The following FNDC3B variants were observed in gnomAD, a reference collection of about 807,000 sequenced individuals.
FNDC3B encodes the protein fibronectin type III domain containing 3B.
A neutral mutation model predicts 151.5 loss-of-function variants in FNDC3B; 12 were observed. The ratio of observed to expected loss-of-function variants is 0.08; its 90% CI spans 0.05 to 0.13. The LOEUF is 0.13. Ranked by LOEUF, FNDC3B falls within the 10% of genes least tolerant of loss-of-function variation. The pLI is 1.00. For missense variants in FNDC3B, 1,214 were observed against 1,505.3 expected, an observed-to-expected ratio of 0.81 and a Z score of 3.20; for synonymous variants, 528 against 549.0, an observed-to-expected ratio of 0.96 and a Z score of 0.54.
chr3:172,105,355 A>C (rs755800009), intron 1 of FNDC3B, among the ~76,000 whole-genome samples: 3 of 152,096 alleles, frequency 2.0e-5, no homozygotes, highest in Non-Finnish European at 4.4e-5. Context: ...TGTCATAATA[A>C]ATTTTTATTA....
rs374129534 is a variant in FNDC3B at position 172,112,475 on chromosome 3, C to T, written c.-5C>T. 2.0e-5 allele frequency: 32 copies of T among 1,609,004 alleles called. No individual in the cohort carries two copies. The African/African-American group carries it at 4.0e-4, about 20-fold the overall frequency. ...AGGAAGCCAGTTGAGGGAAGTTCTC[C>T]ATGAATGTACGTCACAATGATGATG... On this transcript the variant is annotated 5_prime_UTR_variant, in exon 2 of 26. Transcript: ENST00000415807.
chr3:172,285,336 T>G (rs10936719), intron 6 of FNDC3B, among the ~76,000 whole-genome samples: 63,853 of 152,056 alleles, frequency 0.42, 13,831 homozygotes, highest in East Asian at 0.57. Flanking sequence ...GTCTTTCTGT[T>G]CCCTTGCTTA....
At chr3:172,113,289 C>G (rs566774819) in intron 2 of FNDC3B, among the ~76,000 whole-genome samples, 1 of 152,092 alleles carries the variant, frequency 6.6e-6, no homozygotes, top group African/African-American at 2.4e-5. Context: ...AGCATAAAAG[C>G]GAATTTTTAT....
chr3:172,076,525 C>T (rs1279905207), intron 1 of FNDC3B, among the ~76,000 whole-genome samples: 3 of 152,188 alleles, frequency 2.0e-5, no homozygotes, highest in Admixed American at 2.0e-4. Context: ...GTTCCTCCTG[C>T]CTTTCCACTT....
chr3:172,251,527 A>G lies in FNDC3B; in HGVS notation c.776A>G (p.Asp259Gly). 2.5e-6 allele frequency: 4 copies of G among 1,611,878 alleles called. No homozygotes were observed. The highest frequency in any genetic ancestry group is 3.4e-6 in the Non-Finnish European group (4 of 1,178,686). ...RRARSSPKSN[D>G]SDLQEYELEV... is the part of the protein sequence containing the mutation. ...GCAAGAAGCAGCCCAAAGTCGAATG[A>G]TTCAGACTTGCAAGGTAATACTCAA... Residue 259 changes from aspartate (D) to glycine (G), a missense_variant, in exon 6 of 26, where the codon GAT (aspartate) becomes GGT (glycine). This residue lies in a region of FNDC3B where 166 missense variants were observed against 173.2 expected (regional missense o/e 0.96). Transcript: ENST00000415807.
At chr3:172,290,601 C>A (rs1269535041) in intron 7 of FNDC3B, among the ~76,000 whole-genome samples, 1 of 152,040 alleles carries the variant, frequency 6.6e-6, no homozygotes, top group Middle Eastern at 3.2e-3. Context: ...TGTTTCCATC[C>A]GCGAATGTTT....
rs372244130 is a variant in FNDC3B at position 172,058,057 on chromosome 3, G to T, written c.-29+18286G>T. 2.6e-5 allele frequency among the ~76,000 whole-genome samples: 4 copies of T among 152,292 alleles called. No homozygotes were observed. The South Asian group carries it at 8.3e-4, about 32-fold the overall frequency. On this transcript the variant is annotated intron_variant, in intron 1 of 25. Transcript: ENST00000415807. ...AAATCATGTATGGATTTACGTGCAA[G>T]TTAGGTGTCTAGGAAACCTTTTTAA...
intron 6 of FNDC3B, among the ~76,000 whole-genome samples, chr3:172,255,269 G>T (rs1576843596): frequency 6.6e-6 from 1 of 152,066 alleles, no homozygotes; most frequent in African/African-American, 2.4e-5. Context: ...TTGCTTCCAG[G>T]CTCTTTTTTT....
chr3:172,342,935 G>A lies in FNDC3B; in HGVS notation c.1972-76G>A, dbSNP rs1733409786. 3.5e-6 allele frequency: 3 copies of A among 856,190 alleles called. 1 individual carries two copies. The highest frequency in any genetic ancestry group is 6.0e-6 in the Non-Finnish European group (3 of 497,112). 53.0% of individuals were successfully genotyped at this position (856,190 alleles called of 1,614,324 possible). A position where few individuals can be genotyped will look rare whatever the true frequency, so the allele number is the denominator to read the frequency against. ...CGGTAACATTTGCAGTTATGGGGTG[G>A]AATTTGCCTGATATGTAGAGGTCTG... is the stretch of plus-strand genomic sequence containing the variant. On this transcript the variant is annotated intron_variant, in intron 17 of 25. Coordinates refer to ENST00000415807, the MANE Select transcript of FNDC3B (RefSeq NM_022763.4).
chr3:172,055,448 A>C (rs140421781), intron 1 of FNDC3B, among the ~76,000 whole-genome samples: 1 of 152,288 alleles, frequency 6.6e-6, no homozygotes, highest in Non-Finnish European at 1.5e-5. Context: ...TATTCAATTT[A>C]AACAGGGAAA....
intron 2 of FNDC3B, among the ~76,000 whole-genome samples, chr3:172,113,695 C>T (rs1273925393): frequency 6.6e-6 from 1 of 152,174 alleles, no homozygotes; most frequent in African/African-American, 2.4e-5. Context: ...ATCTTAAAAA[C>T]GTAAACACCT....
chr3:172,173,576 C>T (rs1723387858), intron 3 of FNDC3B, among the ~76,000 whole-genome samples: 1 of 149,500 alleles, frequency 6.7e-6, no homozygotes, highest in African/African-American at 2.5e-5. Context: ...GGGAGGATCA[C>T]TTGCACTTAG....
Position 172,149,508 on chromosome 3 carries a change from G to A in FNDC3B, c.187+15962G>A, listed in dbSNP as rs141225637. ...CTTTTCTTTCTTTAATTCCTGTGGC[G>A]TTCTCTGCAGTTTATATGTCCCTAA... On this transcript the variant is annotated intron_variant, in intron 3 of 25. Coordinates refer to ENST00000415807, the MANE Select transcript of FNDC3B (RefSeq NM_022763.4). 6.6e-3 allele frequency among the ~76,000 whole-genome samples: 1,006 copies of A among 151,906 alleles called. 8 individuals are homozygous for A. The highest frequency in any genetic ancestry group is 0.023 in the African/African-American group (962 of 41,414).
rs775864296 is a variant in FNDC3B, at chr3:172,286,010, A to T, written c.849+26A>T. 43 of 1,562,592 alleles carry T rather than the reference A, an allele frequency of 2.8e-5. 1 individual carries two copies. The South Asian group carries it at 4.4e-4, about 16-fold the overall frequency. The stretch of plus-strand genomic sequence containing the variant: ...GTATGTCTTCTGGATTTCTCAGCAT[A>T]AATGACACTTTTTAAAGTATTTCAA... On this transcript the variant is annotated intron_variant, in intron 7 of 25. Coordinates refer to ENST00000415807, the MANE Select transcript of FNDC3B (RefSeq NM_022763.4).
chr3:172,209,194 C>G (rs1236050345), intron 3 of FNDC3B, among the ~76,000 whole-genome samples: 1 of 152,142 alleles, frequency 6.6e-6, no homozygotes, highest in East Asian at 1.9e-4. Flanking sequence ...GCCTCTGGCT[C>G]CTGGGCTGGT....
chr3:172,187,355 A>G (rs1273979654), intron 3 of FNDC3B: 2 of 152,244 alleles, frequency 1.3e-5, no homozygotes, highest in South Asian at 2.1e-4. Flanking sequence ...TGCTTTATTT[A>G]CATCTGTATT....
intron 6 of FNDC3B, among the ~76,000 whole-genome samples, chr3:172,282,660 G>C (rs1460808405): frequency 6.6e-6 from 1 of 152,128 alleles, no homozygotes; most frequent in Non-Finnish European, 1.5e-5. Flanking sequence ...CCATAGGACT[G>C]AGCAGATCTC....
chr3:172,385,624 T>C (rs146951337), intron 25 of FNDC3B, among the ~76,000 whole-genome samples: 1,965 of 151,560 alleles, frequency 0.013, 43 homozygotes, highest in African/African-American at 0.045. Flanking sequence ...AGTGGCGTGA[T>C]CTCGGCTCAC....
intron 6 of FNDC3B, among the ~76,000 whole-genome samples, chr3:172,254,358 G>GT (rs112567257): frequency 2.8e-4 from 40 of 145,388 alleles, no homozygotes; most frequent in Middle Eastern, 3.5e-3. Flanking sequence ...TTGACTTCAT[G>GT]TTTTTTTTTT....
Sources: gnomAD v4.1 joint callset for allele counts (sites outside exome capture counted in the v4.1 genomes callset) on GRCh38, gnomAD v4.1.1 for gene constraint, gnomAD v4.1.1 regional missense constraint, MANE v1.5 for transcripts, NCBI Gene and HGNC (gene_info 2026-07-23, HGNC 2026-07-21) for gene names.